The following MTRF1 variants were observed in gnomAD, a reference collection of about 807,000 sequenced individuals.
The protein encoded by MTRF1 is mitochondrial translation release factor 1.
A neutral mutation model predicts 62.9 loss-of-function variants in MTRF1; 51 were observed. The observed-to-expected ratio is 0.81, with a 90% CI of 0.65 to 1.02. The LOEUF (loss-of-function observed/expected upper bound fraction) is 1.02. Among genes scored for constraint, MTRF1 ranks in the 50% least tolerant of loss-of-function variants. The probability of loss-of-function intolerance (pLI) is 0.00; values close to 1 mark genes in which losing one functional copy is unlikely to be tolerated. For missense variants in MTRF1, 446 were observed against 530.0 expected (o/e 0.84, Z 1.56); for synonymous variants, 158 against 181.9 (o/e 0.87, Z 1.06).
the MTRF1 span, among the ~76,000 whole-genome samples, chr13:41,308,018 C>T: frequency 3.7e-4 from 56 of 152,224 alleles, 1 homozygote; most frequent in South Asian, 0.011. Flanking sequence ...GAGATGCTGG[C>T]ACGGAACTGT....
intron 9 of MTRF1, among the ~76,000 whole-genome samples, chr13:41,221,342 G>A (rs2033318168): frequency 6.6e-6 from 1 of 151,730 alleles, no homozygotes; most frequent in African/African-American, 2.4e-5. Context: ...TGTATTTTTA[G>A]TAGAGATGGG....
At chr13:41,229,713 T>C (rs2035161756) in intron 7 of MTRF1, 1 of 152,212 alleles carries the variant, frequency 6.6e-6, no homozygotes, top group South Asian at 2.1e-4. Flanking sequence ...GTGTATAATA[T>C]AGAATGATAT....
chr13:41,221,156 CT>C lies in MTRF1; in HGVS notation c.1224+2099del, dbSNP rs373390151. Among the ~76,000 whole-genome samples, 677 of 140,680 alleles carry C rather than the reference CT, an allele frequency of 4.8e-3. 2 individuals are homozygous for C. The highest frequency in any genetic ancestry group is 0.012 in the African/African-American group (455 of 38,636). The allele number at this position is 140,680 out of a possible 152,430, so 92.3% of individuals were successfully genotyped here. On this transcript the variant is annotated intron_variant, in intron 9 of 9. Transcript: ENST00000379480. ...TGATTTGGTTCCTAAGTTATTCACT[CT>C]TTTTTTTTTTTTTTTCTGAGACAGA...
At position 41,252,652 on chromosome 13, in the gene MTRF1, T is replaced by G; in HGVS notation, c.690A>C (p.Ala230=). ...WQFELLNYTP[A]DYGGLHHAAA... ...ATTCCTCAATATGCCTACCATAATC[T>G]GCTGGTGTATAATTCAGAAGTTCAA... Residue 230 remains alanine, a synonymous_variant, in exon 5 of 10, where the codon GCA becomes GCC. Transcript: ENST00000379480. The G allele has an allele frequency of 6.2e-7, 1 of 1,609,716 alleles. No individual in the cohort carries two copies. Among genetic ancestry groups the G allele is most frequent in the East Asian group, 2.2e-5 (1 of 44,766 alleles).
At chr13:41,252,325 T>C in intron 5 of MTRF1, 1 of 168,802 alleles carries the variant, frequency 5.9e-6, no homozygotes, top group South Asian at 2.0e-4. Flanking sequence ...TTATTTAAAG[T>C]AAAAACCTTA....
intron 9 of MTRF1, among the ~76,000 whole-genome samples, chr13:41,218,802 G>T (rs1487183468): frequency 6.6e-6 from 1 of 152,040 alleles, no homozygotes; most frequent in African/African-American, 2.4e-5. Context: ...TCTTAAAGTT[G>T]AACTTTAGGA....
At chr13:41,226,703 C>T in intron 7 of MTRF1, 135 bp from the exon 8 acceptor site, 1 of 967,508 alleles carries the variant, frequency 1.0e-6, no homozygotes. Flanking sequence ...TAGCACACTT[C>T]AGAAACTAGC....
At chr13:41,286,138 A>G in the MTRF1 span, among the ~76,000 whole-genome samples, 6 of 151,402 alleles carry the variant, frequency 4.0e-5, no homozygotes, top group African/African-American at 1.5e-4. Context: ...GGTGTCAGAC[A>G]TACTACCCAA....
the MTRF1 span, among the ~76,000 whole-genome samples, chr13:41,269,198 G>GGTTTTTTTTTTTTTTTTTTTTTTTTTT: frequency 2.0e-5 from 1 of 50,556 alleles, no homozygotes; most frequent in Non-Finnish European, 4.5e-5. Context: ...TTTTTTTTTT[G>GGTTTTTTTTTTTTTTTTTTTTTTTTTT]GTTTTTTTTT....
chr13:41,272,242 C>G, the MTRF1 span, among the ~76,000 whole-genome samples: 2 of 152,270 alleles, frequency 1.3e-5, no homozygotes, highest in Admixed American at 1.3e-4. Context: ...GTTCTGAATT[C>G]TTTACAGGGA....
intron 6 of MTRF1, among the ~76,000 whole-genome samples, chr13:41,237,292 T>C (rs1279781743): frequency 6.7e-6 from 1 of 149,826 alleles, no homozygotes; most frequent in Admixed American, 6.6e-5. Context: ...GAAATAAGGA[T>C]TGAAGCAAGA....
chr13:41,257,388 G>C (rs2039871017), intron 2 of MTRF1, among the ~76,000 whole-genome samples: 1 of 152,138 alleles, frequency 6.6e-6, no homozygotes, highest in African/African-American at 2.4e-5. Flanking sequence ...ATAAATTAGT[G>C]GAAGGAATAG....
upstream of MTRF1, among the ~76,000 whole-genome samples, chr13:41,267,009 A>C (rs1178375954): frequency 3.3e-5 from 5 of 151,888 alleles, no homozygotes; most frequent in South Asian, 6.2e-4. Context: ...AAAAAAAAAA[A>C]AAAAAAAACA....
At chr13:41,265,937 T>C (rs2040831748), upstream of MTRF1, among the ~76,000 whole-genome samples, 1 of 152,028 alleles carries the variant, frequency 6.6e-6, no homozygotes, top group Admixed American at 6.5e-5. Flanking sequence ...GCAACTTCTG[T>C]CTCCCGGATT....
At chr13:41,224,083 C>T (rs1317813888) in intron 8 of MTRF1, among the ~76,000 whole-genome samples, 4 of 152,128 alleles carry the variant, frequency 2.6e-5, no homozygotes, top group Admixed American at 6.6e-5. Context: ...CTGAAAATTA[C>T]GTTAATCTCC....
chr13:41,283,872 C>T, the MTRF1 span, among the ~76,000 whole-genome samples: 4 of 151,998 alleles, frequency 2.6e-5, no homozygotes, highest in East Asian at 3.9e-4. Context: ...CCACCGCGCC[C>T]GGCCTCTGAC....
chr13:41,311,621 C>T, the MTRF1 span: 280 of 1,577,676 alleles, frequency 1.8e-4, 1 homozygote, highest in African/African-American at 3.3e-3. Flanking sequence ...CCCCGGTCCC[C>T]GGGTCCTCGG....
chr13:41,267,524 T>G (rs933180126), upstream of MTRF1, among the ~76,000 whole-genome samples: 1 of 152,222 alleles, frequency 6.6e-6, no homozygotes, highest in South Asian at 2.1e-4. Context: ...CTATTGATTG[T>G]CTTTGCTTTG....
chr13:41,306,152 G>A, the MTRF1 span, among the ~76,000 whole-genome samples: 9 of 152,178 alleles, frequency 5.9e-5, no homozygotes, highest in African/African-American at 2.2e-4. Context: ...GGAGGCCGAG[G>A]TGGGCAGATT....
Sources: gnomAD v4.1 joint callset for allele counts (sites outside exome capture counted in the v4.1 genomes callset) on GRCh38, gnomAD v4.1.1 for gene constraint, MANE v1.5 for transcripts, NCBI Gene and HGNC (gene_info 2026-07-23, HGNC 2026-07-21) for gene names.